The following APBB2 variants were observed in gnomAD, a reference collection of about 807,000 sequenced individuals.
The protein encoded by APBB2 is Fe65-like 1.
A neutral mutation model predicts 82.5 loss-of-function variants in APBB2; 38 were observed. The observed-to-expected ratio is 0.46, with a 90% CI of 0.36 to 0.60. APBB2 has a LOEUF of 0.60. Ranked by LOEUF, APBB2 falls within the 20% of genes least tolerant of loss-of-function variation. APBB2 has a pLI of 0.00. For synonymous variants in APBB2, 341 were observed against 368.2 expected (o/e 0.93, Z 0.85); for missense variants, 772 against 972.3 (o/e 0.79, Z 2.74).
chr4:40,861,125 C>A (rs182096050), intron 12 of APBB2, among the ~76,000 whole-genome samples: 1 of 151,654 alleles, frequency 6.6e-6, no homozygotes, highest in African/African-American at 2.4e-5. Flanking sequence ...CCGAGGTGGG[C>A]GGATCACTTG....
At position 40,907,223 on chromosome 4, in the gene APBB2, A is replaced by AC. The variant is rs1560859344; in HGVS notation, c.1255-13813dup. 1.3e-5 allele frequency among the ~76,000 whole-genome samples: 2 copies of AC among 151,566 alleles called. 1 individual carries two copies. The highest frequency in any genetic ancestry group is 4.8e-5 in the African/African-American group (2 of 41,268). ...CCCCAATTCCTATGCTTAAGTCCTA[A>AC]CCCCCAATGTGACTGTATTTGGAGA... On this transcript the variant is annotated intron_variant, in intron 10 of 17. Coordinates refer to ENST00000508593, the MANE Select transcript of APBB2 (RefSeq NM_004307.2).
rs1278804979 is a variant in APBB2, at chr4:41,023,652, A to T, written c.20-9254T>A. 2.0e-5 allele frequency among the ~76,000 whole-genome samples: 3 copies of T among 152,216 alleles called. No individual in the cohort carries two copies. The East Asian group carries it at 5.8e-4, about 29-fold the overall frequency. On this transcript the variant is annotated intron_variant, in intron 5 of 17. Coordinates refer to ENST00000508593, the MANE Select transcript of APBB2 (RefSeq NM_004307.2). Reference sequence around the variant, plus strand: ...GAAGTGAAAGATCTCTACAATAAGAATTACAAAACACTGTTCAAAGAAATC... The same window carrying T: ...GAAGTGAAAGATCTCTACAATAAGATTTACAAAACACTGTTCAAAGAAATC...
At chr4:40,894,066 A>C (rs1001712966) in intron 10 of APBB2, among the ~76,000 whole-genome samples, 1 of 152,072 alleles carries the variant, frequency 6.6e-6, no homozygotes, top group Non-Finnish European at 1.5e-5. Context: ...AGGTAGGCAG[A>C]TCACGAGGTC....
At chr4:41,099,764 A>G (rs1259378145) in intron 3 of APBB2, among the ~76,000 whole-genome samples, 1 of 152,190 alleles carries the variant, frequency 6.6e-6, no homozygotes, top group African/African-American at 2.4e-5. Flanking sequence ...TAAGACACAA[A>G]GCATAGGAAG....
Position 40,942,455 on chromosome 4 carries a change from C to T in APBB2, c.1044+2410G>A, listed in dbSNP as rs1336542848. Reference sequence around the variant, plus strand: ...GAGTCAGGGAACTGGATACATCCCACCCTAACCCCAGCTGAGGGACACTTA... The same window carrying T: ...GAGTCAGGGAACTGGATACATCCCATCCTAACCCCAGCTGAGGGACACTTA... On this transcript the variant is annotated intron_variant, in intron 7 of 17. Transcript: ENST00000508593. Among the ~76,000 whole-genome samples the T allele has an allele frequency of 2.0e-5, 3 of 152,034 alleles. No homozygotes were observed. In the East Asian group the frequency reaches 5.8e-4, roughly 29 times the overall value.
At chr4:40,897,180 C>A (rs1392284494) in intron 10 of APBB2, among the ~76,000 whole-genome samples, 1 of 152,138 alleles carries the variant, frequency 6.6e-6, no homozygotes, top group Non-Finnish European at 1.5e-5. Context: ...ATATGCAAAT[C>A]ACCCGACCTC....
chr4:41,203,544 T>A (rs61008346), intron 1 of APBB2, among the ~76,000 whole-genome samples: 14,075 of 152,140 alleles, frequency 0.093, 889 homozygotes, highest in African/African-American at 0.18. Context: ...TTCTGGAACA[T>A]GGAGACCCTC....
Position 41,082,817 on chromosome 4 carries a change from G to A in APBB2, c.-148-17144C>T, listed in dbSNP as rs892470839. Among the ~76,000 whole-genome samples the A allele has an allele frequency of 3.3e-5, 5 of 152,018 alleles. No individual in the cohort carries two copies. The South Asian group carries it at 6.2e-4, about 19-fold the overall frequency. ...CAATCTAAATTTTCAGCAGCTGGGC[G>A]GCATGCAGTTTTATTATGGTCATAC... On this transcript the variant is annotated intron_variant, in intron 3 of 17. Coordinates refer to ENST00000508593, the MANE Select transcript of APBB2 (RefSeq NM_004307.2).
intron 15 of APBB2, 57 bp downstream of exon 15, chr4:40,825,830 C>A (rs1577710812): frequency 6.9e-7 from 1 of 1,440,314 alleles, no homozygotes; most frequent in African/African-American, 1.4e-5. Flanking sequence ...AGGGCGAACG[C>A]CTCCTGTGAG....
At chr4:41,206,568 C>A (rs529146563) in intron 1 of APBB2, among the ~76,000 whole-genome samples, 8 of 152,314 alleles carry the variant, frequency 5.3e-5, no homozygotes, top group Middle Eastern at 3.4e-3. Context: ...AGGTTCTGAT[C>A]AGATAATCTG....
chr4:41,002,022 T>C (rs1486467326), intron 6 of APBB2, among the ~76,000 whole-genome samples: 1 of 152,166 alleles, frequency 6.6e-6, no homozygotes, highest in African/African-American at 2.4e-5. Context: ...GCTAACCATA[T>C]ATGGTTTTCT....
intron 1 of APBB2, among the ~76,000 whole-genome samples, chr4:41,199,578 T>A (rs1580786169): frequency 6.6e-6 from 1 of 152,224 alleles, no homozygotes; most frequent in East Asian, 1.9e-4. Context: ...CCTATAATCA[T>A]TGATATTTTA....
chr4:41,049,784 C>T (rs569010420), intron 4 of APBB2, among the ~76,000 whole-genome samples: 1 of 152,354 alleles, frequency 6.6e-6, no homozygotes, highest in South Asian at 2.1e-4. Flanking sequence ...TTGTTCTGTA[C>T]TAAGAAAAAT....
chr4:41,173,273 A>C (rs1326291335), intron 1 of APBB2, among the ~76,000 whole-genome samples: 1 of 152,226 alleles, frequency 6.6e-6, no homozygotes, highest in African/African-American at 2.4e-5. Context: ...TAAGTTAGTT[A>C]ACATAAAAAT....
intron 4 of APBB2, among the ~76,000 whole-genome samples, chr4:41,039,633 C>T (rs1037556424): frequency 3.9e-5 from 6 of 152,086 alleles, no homozygotes; most frequent in Non-Finnish European, 5.9e-5. Flanking sequence ...CCTAGGCAGG[C>T]GGATTGCTTG....
intron 17 of APBB2, among the ~76,000 whole-genome samples, chr4:40,820,429 T>C (rs1356365663): frequency 6.6e-5 from 10 of 152,118 alleles, no homozygotes; most frequent in Non-Finnish European, 1.2e-4. Flanking sequence ...CTTGGGAGGC[T>C]GAGGCGGGTG....
At chr4:41,034,145 T>G (rs1718193235) in intron 4 of APBB2, among the ~76,000 whole-genome samples, 1 of 152,250 alleles carries the variant, frequency 6.6e-6, no homozygotes, top group Non-Finnish European at 1.5e-5. Context: ...TTCTGATAAT[T>G]TGTTTCACAG....
At chr4:40,949,776 ACT>A (rs1430456354) in intron 6 of APBB2, among the ~76,000 whole-genome samples, 5 of 152,088 alleles carry the variant, frequency 3.3e-5, no homozygotes, top group Non-Finnish European at 7.4e-5. Context: ...TGCCCTTCTG[ACT>A]CTCAGCAATT....
intron 6 of APBB2, 113 bp downstream of exon 6, chr4:41,013,470 C>T: frequency 1.0e-6 from 1 of 996,792 alleles, no homozygotes; most frequent in Non-Finnish European, 1.5e-6. Context: ...GCAAGAGGCT[C>T]ACGTTCCTCT....
Sources: allele counts gnomAD v4.1 joint callset (sites outside exome capture counted in the v4.1 genomes callset), GRCh38; gene constraint gnomAD v4.1.1; transcripts MANE v1.5; gene names NCBI Gene and HGNC (gene_info 2026-07-23, HGNC 2026-07-21).